The following ANO2 variants were observed in gnomAD, a reference collection of about 807,000 sequenced individuals.
ANO2 encodes anoctamin 2, also known as anoctamin-2.
ANO2 carries 101 observed loss-of-function variants against 124.2 expected under a neutral mutation model. That is an observed-to-expected ratio of 0.81 (90% CI 0.69 to 0.96). The LOEUF is 0.96. ANO2 is among the 40% of genes least tolerant of loss of function. ANO2 has a pLI of 0.00. For synonymous variants in ANO2, 486 were observed against 482.5 expected (o/e 1.01, Z -0.09); for missense variants, 1,293 against 1,274.5 (o/e 1.01, Z -0.22).
At chr12:5,682,815 CTAACCA>C (rs1948554890) in intron 14 of ANO2, among the ~76,000 whole-genome samples, 1 of 152,202 alleles carries the variant, frequency 6.6e-6, no homozygotes, top group African/African-American at 2.4e-5. Context: ...CTTTAAGGAG[CTAACCA>C]TCTAGCAGAT....
chr12:5,832,821 T>C (rs1954198330), intron 4 of ANO2, among the ~76,000 whole-genome samples: 1 of 152,126 alleles, frequency 6.6e-6, no homozygotes, highest in South Asian at 2.1e-4. Context: ...CTCATGGAGG[T>C]GAGCAGTGTA....
chr12:5,627,715 T>C (rs1156850430), intron 16 of ANO2, among the ~76,000 whole-genome samples: 8 of 152,336 alleles, frequency 5.3e-5, no homozygotes, highest in Admixed American at 5.2e-4. Flanking sequence ...CCTTTTCCTT[T>C]CCTCCTGCTC....
intron 3 of ANO2, among the ~76,000 whole-genome samples, chr12:5,865,620 T>A (rs1955401895): frequency 6.6e-6 from 1 of 152,060 alleles, no homozygotes; most frequent in African/African-American, 2.4e-5. Context: ...CACACCATCA[T>A]GCCATCACAC....
At chr12:5,757,915 A>G (rs2137102323) in intron 10 of ANO2, among the ~76,000 whole-genome samples, 1 of 152,340 alleles carries the variant, frequency 6.6e-6, no homozygotes, top group East Asian at 1.9e-4. Flanking sequence ...TAATAACTGG[A>G]AGCTTCAAAC....
intron 3 of ANO2, among the ~76,000 whole-genome samples, chr12:5,863,869 T>C (rs1319986752): frequency 1.3e-5 from 2 of 152,236 alleles, no homozygotes; most frequent in South Asian, 4.1e-4. Context: ...CAATATGTTA[T>C]ATATTCGTTA....
At chr12:5,945,358 C>G, upstream of ANO2, 1 of 871,810 alleles carries the variant, frequency 1.1e-6, no homozygotes, top group Non-Finnish European at 1.4e-6. Flanking sequence ...TCCCCCATCC[C>G]TCCCGGCCGC....
chr12:5,664,366 T>A (rs1355007793), intron 14 of ANO2, among the ~76,000 whole-genome samples: 1 of 152,120 alleles, frequency 6.6e-6, no homozygotes. Context: ...CAGGCATCCA[T>A]CCATCCATCC....
At chr12:5,942,488 G>C (rs367655942) in intron 1 of ANO2, among the ~76,000 whole-genome samples, 4 of 151,970 alleles carry the variant, frequency 2.6e-5, no homozygotes, top group African/African-American at 4.8e-5. Context: ...ATTACATAAT[G>C]ACAGCCATGT....
intron 4 of ANO2, among the ~76,000 whole-genome samples, chr12:5,843,053 C>CA (rs1225835990): frequency 3.3e-5 from 5 of 152,118 alleles, no homozygotes; most frequent in Admixed American, 3.3e-4. Context: ...CTATTGAAAA[C>CA]AAATGTTAGA....
At chr12:5,831,714 A>G (rs2137217818) in intron 5 of ANO2, among the ~76,000 whole-genome samples, 1 of 152,316 alleles carries the variant, frequency 6.6e-6, no homozygotes, top group Middle Eastern at 3.4e-3. Context: ...GACAGCAGAA[A>G]CACTGCTCCA....
At chr12:5,776,547 G>T (rs1400166307) in intron 10 of ANO2, among the ~76,000 whole-genome samples, 1 of 152,174 alleles carries the variant, frequency 6.6e-6, no homozygotes, top group Non-Finnish European at 1.5e-5. Flanking sequence ...GTCAAGTAAT[G>T]GCAAGTGGAA....
chr12:5,744,113 T>C, intron 12 of ANO2, 44 bp downstream of exon 12: 2 of 1,610,386 alleles, frequency 1.2e-6, no homozygotes, highest in South Asian at 2.2e-5. Context: ...TGTGCCCATG[T>C]AAAGGAACCA....
chr12:5,861,785 CA>C (rs1955278880), intron 3 of ANO2, among the ~76,000 whole-genome samples: 2 of 152,210 alleles, frequency 1.3e-5, no homozygotes, highest in Admixed American at 1.3e-4. Context: ...GCGCCCCCAC[CA>C]CACCTGCTGG....
chr12:5,702,623 C>T (rs17723711), intron 14 of ANO2, among the ~76,000 whole-genome samples: 20,844 of 151,604 alleles, frequency 0.14, 1,528 homozygotes, highest in Middle Eastern at 0.23. Context: ...TGATCTCTTC[C>T]GCACTCTATA....
At chr12:5,877,319 G>A (rs1171580596) in intron 3 of ANO2, among the ~76,000 whole-genome samples, 2 of 152,214 alleles carry the variant, frequency 1.3e-5, no homozygotes, top group Non-Finnish European at 2.9e-5. Flanking sequence ...AGACGGCCAT[G>A]TGACGATTCT....
chr12:5,684,682 G>A (rs556324568), intron 14 of ANO2, among the ~76,000 whole-genome samples: 2 of 152,234 alleles, frequency 1.3e-5, no homozygotes, highest in East Asian at 1.9e-4. Context: ...TATGGGACAC[G>A]GCATGCCACA....
Position 5,845,126 on chromosome 12 carries a change from A to G in ANO2, c.633+8917T>C, listed in dbSNP as rs1406845351. ...CGTCTCTACCAAAAATTAGCCAGGCATGGAGGTGTGTGCCTATAGTCCCAG... is the reference window on the plus strand; with the variant it reads ...CGTCTCTACCAAAAATTAGCCAGGCGTGGAGGTGTGTGCCTATAGTCCCAG... On this transcript the variant is annotated intron_variant, in intron 4 of 24. Transcript: ENST00000682330. Among the ~76,000 whole-genome samples the G allele has an allele frequency of 2.6e-5, 4 of 151,156 alleles. No individual in the cohort carries two copies. In the East Asian group the frequency reaches 7.7e-4, roughly 29 times the overall value.
At chr12:5,668,215 T>C (rs1244141214) in intron 14 of ANO2, among the ~76,000 whole-genome samples, 1 of 152,228 alleles carries the variant, frequency 6.6e-6, no homozygotes. Context: ...CCAGCATCTG[T>C]TGTTTTTTGA....
intron 7 of ANO2, among the ~76,000 whole-genome samples, chr12:5,808,733 T>C (rs1450242165): frequency 6.6e-6 from 1 of 152,224 alleles, no homozygotes; most frequent in Non-Finnish European, 1.5e-5. Flanking sequence ...ATAACAAATC[T>C]AGACAACATT....
Sources: allele counts gnomAD v4.1 joint callset (sites outside exome capture counted in the v4.1 genomes callset), GRCh38; gene constraint gnomAD v4.1.1; transcripts MANE v1.5; gene names NCBI Gene and HGNC (gene_info 2026-07-23, HGNC 2026-07-21).